HMBOX1: variants seen among roughly 807,000 people sequenced by gnomAD.
The protein encoded by HMBOX1 is homeobox-containing protein 1.
HMBOX1 carries 14 observed loss-of-function variants against 54.5 expected under a neutral mutation model. The observed-to-expected ratio is 0.26, with a 90% CI of 0.17 to 0.40. The LOEUF is 0.40. HMBOX1 is among the 10% of genes least tolerant of loss of function. The pLI is 1.00. For synonymous variants in HMBOX1, 160 were observed against 181.0 expected (o/e 0.88, Z 0.93); for missense variants, 332 against 514.4 (o/e 0.65, Z 3.43).
chr8:29,042,044 A>T (rs992465033), intron 6 of HMBOX1, among the ~76,000 whole-genome samples: 3 of 152,190 alleles, frequency 2.0e-5, no homozygotes, highest in Admixed American at 6.5e-5. Context: ...ATCCCATCAA[A>T]TCTAAGAAGG....
intron 1 of HMBOX1, among the ~76,000 whole-genome samples, chr8:28,902,391 A>G (rs572415756): frequency 1.8e-4 from 28 of 152,102 alleles, no homozygotes; most frequent in African/African-American, 2.7e-4. Flanking sequence ...TTAGCCAACA[A>G]TGAGTTAGAT....
At position 28,959,401 on chromosome 8, in the gene HMBOX1, GT is replaced by G. The variant is rs570131825; in HGVS notation, c.-57-4408del. ...TGAAGGAGGAGCATGAGGTTTCTAAGTTACTAAGAGTGGCTCACATTTTAAA... is the reference window on the plus strand; with the variant it reads ...TGAAGGAGGAGCATGAGGTTTCTAAGTACTAAGAGTGGCTCACATTTTAAA... On this transcript the variant is annotated intron_variant, in intron 1 of 9. Coordinates refer to ENST00000287701, the MANE Select transcript of HMBOX1 (RefSeq NM_001135726.3). Among the ~76,000 whole-genome samples, 219 of 152,274 alleles carry G rather than the reference GT, an allele frequency of 1.4e-3. 1 individual carries two copies. The highest frequency in any genetic ancestry group is 4.9e-3 in the African/African-American group (204 of 41,566).
At chr8:28,960,587 T>A (rs932351326) in intron 1 of HMBOX1, among the ~76,000 whole-genome samples, 2 of 151,672 alleles carry the variant, frequency 1.3e-5, no homozygotes, top group African/African-American at 4.8e-5. Context: ...TTGTTCATTC[T>A]AAAAGGTATA....
At chr8:28,977,886 G>A (rs1379692884) in intron 3 of HMBOX1, among the ~76,000 whole-genome samples, 3 of 151,490 alleles carry the variant, frequency 2.0e-5, no homozygotes, top group Non-Finnish European at 4.4e-5. Flanking sequence ...GGAGCTTGCA[G>A]TGAGCCAGTA....
chr8:28,976,788 C>A (rs1261283805), intron 3 of HMBOX1, among the ~76,000 whole-genome samples: 1 of 150,126 alleles, frequency 6.7e-6, no homozygotes, highest in Non-Finnish European at 1.5e-5. Context: ...CTCACTGCAA[C>A]CTCCGCCTCT....
intron 1 of HMBOX1, among the ~76,000 whole-genome samples, chr8:28,895,520 C>A (rs992977706): frequency 6.6e-6 from 1 of 151,974 alleles, no homozygotes; most frequent in African/African-American, 2.4e-5. Context: ...ACTGAAAAGA[C>A]AAAAATTAGC....
chr8:29,037,108 A>G (rs1252323112), intron 6 of HMBOX1, among the ~76,000 whole-genome samples: 1 of 152,150 alleles, frequency 6.6e-6, no homozygotes, highest in Non-Finnish European at 1.5e-5. Context: ...AGTCATGAAA[A>G]CTTACAGAAA....
At chr8:29,022,877 G>A (rs1279962152) in intron 6 of HMBOX1, among the ~76,000 whole-genome samples, 1 of 150,892 alleles carries the variant, frequency 6.6e-6, no homozygotes, top group African/African-American at 2.4e-5. Context: ...GAAAAAATGG[G>A]GGGGAGGGGG....
chr8:28,967,541 A>C (rs749319861), intron 2 of HMBOX1, among the ~76,000 whole-genome samples: 1 of 152,218 alleles, frequency 6.6e-6, no homozygotes, highest in Non-Finnish European at 1.5e-5. Context: ...ATAGATAACT[A>C]ACTGCTCTGA....
chr8:28,931,669 G>A (rs535629765), intron 1 of HMBOX1, among the ~76,000 whole-genome samples: 2 of 152,140 alleles, frequency 1.3e-5, no homozygotes, highest in East Asian at 3.9e-4. Flanking sequence ...AGCCTCCCAA[G>A]TAGCTGGGAC....
chr8:28,895,786 C>T (rs762055089), intron 1 of HMBOX1, among the ~76,000 whole-genome samples: 14 of 152,152 alleles, frequency 9.2e-5, no homozygotes, highest in Non-Finnish European at 1.9e-4. Flanking sequence ...TTCATCCAAT[C>T]GTGAAGTCAA....
At chr8:28,960,943 T>C (rs12675609) in intron 1 of HMBOX1, among the ~76,000 whole-genome samples, 97,128 of 151,244 alleles carry the variant, frequency 0.64, 31,401 homozygotes, top group East Asian at 0.76. Context: ...CATGCCACCA[T>C]GCCCAACTAA....
At chr8:28,973,813 T>TTTG (rs780679844) in intron 3 of HMBOX1, among the ~76,000 whole-genome samples, 7,925 of 34,916 alleles carry the variant, frequency 0.23, 605 homozygotes, top group Non-Finnish European at 0.31. Context: ...GTTTTTTTTT[T>TTTG]TTTTTTTTTT....
At chr8:28,945,593 T>A (rs1822285424) in intron 1 of HMBOX1, among the ~76,000 whole-genome samples, 1 of 152,232 alleles carries the variant, frequency 6.6e-6, no homozygotes, top group Admixed American at 6.5e-5. Context: ...GGAGGGCAGT[T>A]GGCACCACTT....
intron 6 of HMBOX1, among the ~76,000 whole-genome samples, chr8:29,029,144 A>G (rs1312330521): frequency 2.0e-5 from 3 of 152,236 alleles, no homozygotes; most frequent in African/African-American, 7.2e-5. Flanking sequence ...TGCAAAATGC[A>G]AAAATAATCA....
chr8:28,939,824 A>G (rs901908332), intron 1 of HMBOX1, among the ~76,000 whole-genome samples: 1 of 151,958 alleles, frequency 6.6e-6, no homozygotes, highest in Non-Finnish European at 1.5e-5. Flanking sequence ...AACTTGTTAA[A>G]AAACACCAGC....
chr8:28,916,571 TTTTTCCA>T (rs1478208860), intron 1 of HMBOX1, among the ~76,000 whole-genome samples: 1 of 152,204 alleles, frequency 6.6e-6, no homozygotes, highest in Non-Finnish European at 1.5e-5. Flanking sequence ...AAGGCTATCC[TTTTTCCA>T]TTGAATTGAC....
chr8:29,046,945 G>A (rs954679617), intron 7 of HMBOX1, among the ~76,000 whole-genome samples: 3 of 152,152 alleles, frequency 2.0e-5, no homozygotes, highest in East Asian at 1.9e-4. Flanking sequence ...TTGCACCACC[G>A]CATTCCAGCC....
intron 1 of HMBOX1, among the ~76,000 whole-genome samples, chr8:28,934,754 T>C (rs1188434655): frequency 6.6e-6 from 1 of 151,226 alleles, no homozygotes; most frequent in African/African-American, 2.4e-5. Context: ...TGAAACCCCA[T>C]CTCTACTAAA....
Sources: allele counts gnomAD v4.1 joint callset (sites outside exome capture counted in the v4.1 genomes callset), GRCh38; gene constraint gnomAD v4.1.1; transcripts MANE v1.5; gene names NCBI Gene and HGNC (gene_info 2026-07-23, HGNC 2026-07-21).